The following UBR3 variants were observed in gnomAD, a reference collection of about 807,000 sequenced individuals.
The protein encoded by UBR3 is E3 ubiquitin-protein ligase UBR3.
In UBR3, 85 loss-of-function variants were observed where a neutral mutation model predicts 243.2. That is an observed-to-expected ratio of 0.35 (90% confidence interval 0.29 to 0.42). The LOEUF (loss-of-function observed/expected upper bound fraction) is 0.42. Ranked by LOEUF, UBR3 falls within the 10% of genes least tolerant of loss-of-function variation. The probability of loss-of-function intolerance (pLI) is 1.00; values close to 1 mark genes in which losing one functional copy is unlikely to be tolerated. For missense variants in UBR3, 1,686 were observed against 2,300.8 expected, an observed-to-expected ratio of 0.73 and a Z score of 5.47; for synonymous variants, 748 against 799.8, an observed-to-expected ratio of 0.94 and a Z score of 1.09.
intron 29 of UBR3, among the ~76,000 whole-genome samples, chr2:170,010,588 G>C (rs1164221641): frequency 6.6e-6 from 1 of 152,106 alleles, no homozygotes; most frequent in Non-Finnish European, 1.5e-5. Context: ...CAGTGATAGT[G>C]GGAGACCTTC....
chr2:170,034,551 C>T (rs1294411286), intron 31 of UBR3, among the ~76,000 whole-genome samples: 1 of 151,554 alleles, frequency 6.6e-6, no homozygotes, highest in Non-Finnish European at 1.5e-5. Flanking sequence ...ATTGTCTGTA[C>T]CACAATTAAT....
chr2:169,950,990 T>G (rs2087002866), intron 23 of UBR3, among the ~76,000 whole-genome samples: 1 of 152,200 alleles, frequency 6.6e-6, no homozygotes, highest in Non-Finnish European at 1.5e-5. Flanking sequence ...TAGTCATTGC[T>G]CACTTCTCTG....
chr2:170,031,481 T>G (rs1208394745), intron 31 of UBR3, among the ~76,000 whole-genome samples: 1 of 152,124 alleles, frequency 6.6e-6, no homozygotes, highest in East Asian at 1.9e-4. Flanking sequence ...TTTCTTCTAG[T>G]ATTTCTGTGG....
chr2:169,976,657 C>A (rs2088461759), intron 24 of UBR3, among the ~76,000 whole-genome samples: 1 of 152,098 alleles, frequency 6.6e-6, no homozygotes, highest in African/African-American at 2.4e-5. Flanking sequence ...TTATATGTAA[C>A]TTGATGCTTT....
intron 11 of UBR3, among the ~76,000 whole-genome samples, chr2:169,922,656 A>G (rs1405768165): frequency 6.6e-6 from 1 of 152,160 alleles, no homozygotes; most frequent in African/African-American, 2.4e-5. Context: ...ATCTCTACGA[A>G]TTTGGCTGCT....
At chr2:169,964,674 G>A (rs943427078) in intron 24 of UBR3, 5 of 370,314 alleles carry the variant, frequency 1.4e-5, no homozygotes, top group African/African-American at 1.1e-4. Context: ...GCTGAGGAGA[G>A]TGGGAGACAT....
chr2:169,838,598 T>C (rs1201231191), intron 1 of UBR3, among the ~76,000 whole-genome samples: 3 of 152,110 alleles, frequency 2.0e-5, no homozygotes, highest in Admixed American at 2.0e-4. Flanking sequence ...ACCACCACAG[T>C]GGAGATTAAG....
At chr2:169,988,117 C>T (rs1051565968) in intron 25 of UBR3, among the ~76,000 whole-genome samples, 8 of 152,198 alleles carry the variant, frequency 5.3e-5, no homozygotes, top group Non-Finnish European at 1.0e-4. Context: ...GAAGTATTAA[C>T]TACTTTTACA....
At chr2:169,891,873 A>G (rs1392087201) in intron 6 of UBR3, among the ~76,000 whole-genome samples, 1 of 152,216 alleles carries the variant, frequency 6.6e-6, no homozygotes, top group Non-Finnish European at 1.5e-5. Context: ...CACAATGTTT[A>G]CTTGACTGTC....
At chr2:169,944,780 A>C (rs1000575917) in intron 20 of UBR3, among the ~76,000 whole-genome samples, 1 of 152,118 alleles carries the variant, frequency 6.6e-6, no homozygotes, top group African/African-American at 2.4e-5. Context: ...TGAAGTGAAA[A>C]TTTAATTGAA....
intron 30 of UBR3, among the ~76,000 whole-genome samples, chr2:170,020,888 A>G (rs1364413880): frequency 6.6e-6 from 1 of 152,214 alleles, no homozygotes; most frequent in East Asian, 1.9e-4. Flanking sequence ...TAGAATCAGA[A>G]TCTTTGAGCT....
At chr2:169,904,371 A>G (rs1026890435) in intron 8 of UBR3, among the ~76,000 whole-genome samples, 1 of 152,174 alleles carries the variant, frequency 6.6e-6, no homozygotes, top group Non-Finnish European at 1.5e-5. Flanking sequence ...TATTATGGGT[A>G]TTAATATGTT....
At chr2:169,946,434 C>T (rs748584544) in intron 21 of UBR3, 42 bp downstream of exon 21, 2 of 1,165,400 alleles carry the variant, frequency 1.7e-6, no homozygotes, top group South Asian at 3.3e-5. Flanking sequence ...ATAGGCAGCC[C>T]CTATCTGGCT....
intron 1 of UBR3, among the ~76,000 whole-genome samples, chr2:169,844,332 T>G (rs191043452): frequency 1.1e-4 from 17 of 152,260 alleles, no homozygotes; most frequent in Admixed American, 1.0e-3. Flanking sequence ...CTGTATCATT[T>G]ATTCAGTACT....
chr2:169,982,124 T>TA (rs1406482342), intron 24 of UBR3, among the ~76,000 whole-genome samples: 2 of 152,188 alleles, frequency 1.3e-5, no homozygotes, highest in Non-Finnish European at 2.9e-5. Context: ...AATTTTCTAT[T>TA]AATGTATGCA....
At chr2:170,054,431 G>A (rs1030952928) in intron 32 of UBR3, among the ~76,000 whole-genome samples, 10 of 152,010 alleles carry the variant, frequency 6.6e-5, no homozygotes, top group Non-Finnish European at 1.2e-4. Flanking sequence ...ACAGGCACCC[G>A]CCACCATGCC....
chr2:169,960,065 AC>A (rs1192219665), intron 24 of UBR3, among the ~76,000 whole-genome samples: 20 of 152,062 alleles, frequency 1.3e-4, no homozygotes, highest in Admixed American at 1.3e-3. Flanking sequence ...AGCCTGACCA[AC>A]ATGGTGAAAC....
At chr2:169,879,300 A>G (rs952586694) in intron 5 of UBR3, among the ~76,000 whole-genome samples, 2 of 152,098 alleles carry the variant, frequency 1.3e-5, no homozygotes, top group African/African-American at 4.8e-5. Context: ...TTTTGAGTTG[A>G]TAATGTAATG....
intron 24 of UBR3, among the ~76,000 whole-genome samples, chr2:169,968,564 A>G (rs972893065): frequency 6.6e-6 from 1 of 152,006 alleles, no homozygotes; most frequent in East Asian, 1.9e-4. Context: ...TCCATTCTAT[A>G]CACACACACA....
Sources: gnomAD v4.1 joint callset for allele counts (sites outside exome capture counted in the v4.1 genomes callset) on GRCh38, gnomAD v4.1.1 for gene constraint, MANE v1.5 for transcripts, NCBI Gene and HGNC (gene_info 2026-07-23, HGNC 2026-07-21) for gene names.